ARHGAP44: variants seen among roughly 807,000 people sequenced by gnomAD.
ARHGAP44 encodes the protein Rho GTPase activating protein 44.
A neutral mutation model predicts 106.8 loss-of-function variants in ARHGAP44; 43 were observed. That is an observed-to-expected ratio of 0.40 (90% CI 0.32 to 0.52). ARHGAP44 has a LOEUF of 0.52. Among genes scored for constraint, ARHGAP44 ranks in the 20% least tolerant of loss-of-function variants. ARHGAP44 has a pLI of 0.48. For synonymous variants in ARHGAP44, 439 were observed against 410.3 expected, an observed-to-expected ratio of 1.07 and a Z score of -0.85; for missense variants, 866 against 1,050.5, an observed-to-expected ratio of 0.82 and a Z score of 2.43.
intron 16 of ARHGAP44, among the ~76,000 whole-genome samples, chr17:12,966,237 G>T (rs2039388544): frequency 6.6e-6 from 1 of 151,914 alleles, no homozygotes; most frequent in Non-Finnish European, 1.5e-5. Flanking sequence ...TTGAACCTAT[G>T]ATAAGACAAA....
At chr17:12,897,710 C>CTTTTT (rs71980749) in intron 3 of ARHGAP44, among the ~76,000 whole-genome samples, 28 of 108,884 alleles carry the variant, frequency 2.6e-4, no homozygotes, top group South Asian at 3.3e-4. Flanking sequence ...TGATCTGTGT[C>CTTTTT]TTTTTTTTTT....
intron 1 of ARHGAP44, among the ~76,000 whole-genome samples, chr17:12,797,500 C>T (rs887756260): frequency 1.4e-4 from 22 of 152,218 alleles, no homozygotes; most frequent in African/African-American, 3.4e-4. Flanking sequence ...GAATTTAAGA[C>T]GGGCTCAGCT....
intron 3 of ARHGAP44, among the ~76,000 whole-genome samples, chr17:12,904,990 C>T (rs2037503764): frequency 1.3e-5 from 2 of 152,226 alleles, no homozygotes; most frequent in South Asian, 4.1e-4. Context: ...CAACCTCTGC[C>T]TCCCAGGTTC....
At chr17:12,877,592 T>G (rs925036715) in intron 1 of ARHGAP44, among the ~76,000 whole-genome samples, 4 of 151,876 alleles carry the variant, frequency 2.6e-5, no homozygotes, top group African/African-American at 9.7e-5. Flanking sequence ...CTACTAAAAA[T>G]ACAAAAAATT....
At chr17:12,953,126 G>T (rs1039304063) in intron 13 of ARHGAP44, among the ~76,000 whole-genome samples, 3 of 152,128 alleles carry the variant, frequency 2.0e-5, no homozygotes, top group Non-Finnish European at 4.4e-5. Context: ...AGCTGGGGGA[G>T]GCAGAAGTGT....
At chr17:12,947,169 C>T (rs2038872638) in intron 10 of ARHGAP44, among the ~76,000 whole-genome samples, 1 of 152,202 alleles carries the variant, frequency 6.6e-6, no homozygotes, top group East Asian at 1.9e-4. Context: ...ATCTTTGCCA[C>T]CACCTACAGA....
At chr17:12,983,111 A>G (rs2039872340) in intron 19 of ARHGAP44, 1 of 152,044 alleles carries the variant, frequency 6.6e-6, no homozygotes, top group African/African-American at 2.4e-5. Flanking sequence ...CAAAAATACA[A>G]AAAATTAGCT....
rs1224179946 is a variant in ARHGAP44 at position 12,984,823 on chromosome 17, C to G, written c.2232C>G (p.Pro744=). 2 of 1,613,900 alleles carry G rather than the reference C, an allele frequency of 1.2e-6. No individual in the cohort carries two copies. Among genetic ancestry groups the G allele is most frequent in the Non-Finnish European group, 8.5e-7 (1 of 1,179,914 alleles). The change falls in exon 20 of 21, where the codon CCC becomes CCG. Residue 744 remains proline, a synonymous_variant. Transcript: ENST00000379672. ...CTACTCTGCCGCCTCCTCAGCCTCCCACAGTAAACCTCTCGGCCTCTAGTC... is the reference window on the plus strand; with the variant it reads ...CTACTCTGCCGCCTCCTCAGCCTCCGACAGTAAACCTCTCGGCCTCTAGTC... ...QRPTLPPPQP[P]TVNLSASSPQ...
At chr17:12,841,585 G>GTCTCTCTCTCTCTCTCTCTC (rs146801593) in intron 1 of ARHGAP44, among the ~76,000 whole-genome samples, 1 of 123,214 alleles carries the variant, frequency 8.1e-6, no homozygotes, top group African/African-American at 3.6e-5. Flanking sequence ...CTGTCTCTCT[G>GTCTCTCTCTCTCTCTCTCTC]TCTCTCTCTC....
chr17:12,921,744 T>G (rs2038091777), intron 6 of ARHGAP44, among the ~76,000 whole-genome samples: 3 of 152,200 alleles, frequency 2.0e-5, no homozygotes, highest in African/African-American at 7.2e-5. Flanking sequence ...TCACTTAATC[T>G]CCCAGAATAT....
chr17:12,817,842 T>G (rs1037771252), intron 1 of ARHGAP44, among the ~76,000 whole-genome samples: 4 of 151,940 alleles, frequency 2.6e-5, no homozygotes, highest in Non-Finnish European at 2.9e-5. Context: ...TCTTGAAAAG[T>G]GGAGATAATT....
intron 16 of ARHGAP44, among the ~76,000 whole-genome samples, chr17:12,963,395 C>G (rs973268303): frequency 2.0e-5 from 3 of 152,158 alleles, no homozygotes; most frequent in African/African-American, 7.2e-5. Context: ...CATGGAAATC[C>G]AAGCAGCTCC....
chr17:12,919,928 C>A, intron 6 of ARHGAP44, 97 bp downstream of exon 6: 1 of 1,022,902 alleles, frequency 9.8e-7, no homozygotes, highest in South Asian at 1.6e-5. Context: ...TTTCATTCAC[C>A]AAGTTTTTCT....
rs1406356338 is a variant in ARHGAP44, at chr17:12,983,300, C to T, written c.1940-1231C>T. Among the ~76,000 whole-genome samples, 3 of 149,102 alleles carry T rather than the reference C, an allele frequency of 2.0e-5. No individual in the cohort carries two copies. The East Asian group carries it at 6.0e-4, about 30-fold the overall frequency. On this transcript the variant is annotated intron_variant, in intron 19 of 20. Transcript: ENST00000379672. ...AAAAAAAAAAAAGGAATCAGACCCA[C>T]ACACAGCCAGTCCTCACTTAAGCCT...
chr17:12,848,067 A>C (rs1374382245), intron 1 of ARHGAP44, among the ~76,000 whole-genome samples: 1 of 152,170 alleles, frequency 6.6e-6, no homozygotes, highest in Non-Finnish European at 1.5e-5. Flanking sequence ...TCTGTTCTAT[A>C]GATATAGATA....
chr17:12,970,237 G>T (rs1418402997), intron 16 of ARHGAP44, among the ~76,000 whole-genome samples: 1 of 151,928 alleles, frequency 6.6e-6, no homozygotes, highest in African/African-American at 2.4e-5. Context: ...GTGGTGGCAT[G>T]TGCCTGTATT....
At position 12,915,067 on chromosome 17, in the gene ARHGAP44, C is replaced by T. The variant is rs990366581; in HGVS notation, c.276-833C>T. Reference sequence around the variant, plus strand: ...TGTTTATGTGTTTTTGAGACAGGGTCTCGCTCTGTCACCCCGGCTGGAGTG... The same window carrying T: ...TGTTTATGTGTTTTTGAGACAGGGTTTCGCTCTGTCACCCCGGCTGGAGTG... On this transcript the variant is annotated intron_variant, in intron 4 of 20. Coordinates refer to ENST00000379672, the MANE Select transcript of ARHGAP44 (RefSeq NM_014859.6). 7.2e-5 allele frequency among the ~76,000 whole-genome samples: 11 copies of T among 152,292 alleles called. No homozygotes were observed. The Middle Eastern group carries it at 0.014, about 188-fold the overall frequency.
chr17:12,961,370 T>G (rs994114222), intron 16 of ARHGAP44, among the ~76,000 whole-genome samples: 1 of 152,184 alleles, frequency 6.6e-6, no homozygotes, highest in African/African-American at 2.4e-5. Context: ...ACCATCTACT[T>G]TAAGAGTATA....
chr17:12,973,545 G>A, intron 17 of ARHGAP44: 1 of 578,344 alleles, frequency 1.7e-6, no homozygotes, highest in Non-Finnish European at 3.0e-6. Context: ...GCCTGCAGAG[G>A]TGTGCCTTGG....
Sources: gnomAD v4.1 joint callset for allele counts (sites outside exome capture counted in the v4.1 genomes callset) on GRCh38, gnomAD v4.1.1 for gene constraint, MANE v1.5 for transcripts, NCBI Gene and HGNC (gene_info 2026-07-23, HGNC 2026-07-21) for gene names.